Variants in RIPOR2 observed in about 807,000 individuals in gnomAD.
RIPOR2 encodes the protein rho family-interacting cell polarization regulator 2.
RIPOR2 carries 39 observed loss-of-function variants against 114.5 expected under a neutral mutation model. The ratio of observed to expected loss-of-function variants is 0.34; its 90% CI spans 0.26 to 0.44. The LOEUF is 0.44. RIPOR2 is among the 20% of genes least tolerant of loss of function. The probability of loss-of-function intolerance (pLI) is 1.00; values close to 1 mark genes in which losing one functional copy is unlikely to be tolerated. For missense variants in RIPOR2, 1,007 were observed against 1,255.1 expected (o/e 0.80, Z 2.99); for synonymous variants, 445 against 484.4 (o/e 0.92, Z 1.07).
intron 1 of RIPOR2, among the ~76,000 whole-genome samples, chr6:24,889,953 G>A (rs1767177439): frequency 6.6e-6 from 1 of 151,976 alleles, no homozygotes; most frequent in South Asian, 2.1e-4. Context: ...GTGCAATGGT[G>A]TGATCTTGGC....
chr6:24,871,470 G>T (rs2817750), intron 4 of RIPOR2, among the ~76,000 whole-genome samples: 32,475 of 152,132 alleles, frequency 0.21, 3,729 homozygotes, highest in African/African-American at 0.3. Flanking sequence ...TCCTGCCTCA[G>T]CCTCCTGAGT....
chr6:24,824,002 C>G (rs942941186), intron 19 of RIPOR2, among the ~76,000 whole-genome samples: 1 of 152,172 alleles, frequency 6.6e-6, no homozygotes, highest in Non-Finnish European at 1.5e-5. Context: ...GGTGATCCAC[C>G]CACCTCGGCC....
chr6:24,976,338 T>C, intron 1 of RIPOR2: 1 of 944,342 alleles, frequency 1.1e-6, no homozygotes, highest in African/African-American at 1.7e-5. Context: ...AATGACTAAA[T>C]TATTCTAGAA....
intron 1 of RIPOR2, among the ~76,000 whole-genome samples, chr6:25,022,135 G>A (rs1346438256): frequency 6.6e-6 from 1 of 152,136 alleles, no homozygotes; most frequent in Non-Finnish European, 1.5e-5. Context: ...AGTTCTACCA[G>A]TTTTAACAAA....
intron 1 of RIPOR2, among the ~76,000 whole-genome samples, chr6:24,979,592 G>A (rs775101197): frequency 2.0e-5 from 3 of 152,156 alleles, no homozygotes; most frequent in East Asian, 3.9e-4. Flanking sequence ...TTAATGGGAA[G>A]CCTCCAGTTC....
chr6:24,842,597 G>T (rs1761830858), intron 13 of RIPOR2, among the ~76,000 whole-genome samples: 1 of 152,144 alleles, frequency 6.6e-6, no homozygotes, highest in African/African-American at 2.4e-5. Flanking sequence ...GGATTAAAAT[G>T]ATTAACTTGG....
chr6:24,915,617 C>G (rs780840142), intron 1 of RIPOR2, among the ~76,000 whole-genome samples: 3 of 152,182 alleles, frequency 2.0e-5, no homozygotes, highest in Non-Finnish European at 2.9e-5. Flanking sequence ...CCTGCCTCGG[C>G]CTCCCGAAGT....
chr6:24,968,971 G>A (rs555208433), intron 1 of RIPOR2, among the ~76,000 whole-genome samples: 3 of 152,272 alleles, frequency 2.0e-5, no homozygotes, highest in South Asian at 4.1e-4. Context: ...TAGGTGGCCC[G>A]TTTAATCACC....
intron 1 of RIPOR2, among the ~76,000 whole-genome samples, chr6:24,977,606 T>C (rs1252057186): frequency 1.3e-5 from 2 of 152,092 alleles, no homozygotes; most frequent in Non-Finnish European, 2.9e-5. Context: ...GTAATAAACA[T>C]TTTCTAGTTT....
intron 10 of RIPOR2, 127 bp from the exon 11 acceptor site, chr6:24,850,077 G>A (rs1041202187): frequency 5.4e-5 from 39 of 725,970 alleles, no homozygotes; most frequent in Non-Finnish European, 6.7e-5. Context: ...AATCAGAAGC[G>A]GATTTTCATT....
intron 1 of RIPOR2, among the ~76,000 whole-genome samples, chr6:24,878,327 T>C (rs1036516509): frequency 1.3e-5 from 2 of 152,234 alleles, no homozygotes; most frequent in South Asian, 4.1e-4. Context: ...CTGTATGCCA[T>C]GCAAACTTGT....
rs1042331348 is a variant in RIPOR2, at chr6:24,868,570, A to C, written c.501+524T>G. 1.3e-5 allele frequency among the ~76,000 whole-genome samples: 2 copies of C among 152,188 alleles called. 1 individual carries two copies. On this transcript the variant is annotated intron_variant, in intron 6 of 21. Coordinates refer to ENST00000643898, the MANE Select transcript of RIPOR2 (RefSeq NM_001286445.3). Reference sequence around the variant, plus strand: ...GGCTGGGTGTCAGGGACACTGACAAAGTAGTGCACATCTAGGGGAGAGAGG... The same window carrying C: ...GGCTGGGTGTCAGGGACACTGACAACGTAGTGCACATCTAGGGGAGAGAGG...
chr6:24,882,621 G>A (rs938301703), intron 1 of RIPOR2, among the ~76,000 whole-genome samples: 1 of 152,240 alleles, frequency 6.6e-6, no homozygotes, highest in Non-Finnish European at 1.5e-5. Context: ...GGGAGAAGGA[G>A]AGAAGAACCA....
At chr6:24,930,318 GTATATC>G (rs1771284427) in intron 1 of RIPOR2, among the ~76,000 whole-genome samples, 2 of 152,160 alleles carry the variant, frequency 1.3e-5, no homozygotes, top group Non-Finnish European at 2.9e-5. Context: ...ACATACTCTA[GTATATC>G]TTACACACAT....
intron 1 of RIPOR2, among the ~76,000 whole-genome samples, chr6:25,034,597 C>A (rs146952631): frequency 1.4e-4 from 22 of 152,316 alleles, no homozygotes; most frequent in South Asian, 6.2e-4. Context: ...CTTTTGGGCT[C>A]TTTAGATCCT....
chr6:25,004,986 T>TACACACACACACACACAC (rs58120451), intron 1 of RIPOR2, among the ~76,000 whole-genome samples: 1 of 146,432 alleles, frequency 6.8e-6, no homozygotes, highest in African/African-American at 2.5e-5. Flanking sequence ...TCAAATAGGC[T>TACACACACACACACACAC]ACACACACAC....
chr6:24,887,834 A>C (rs1228415006), intron 1 of RIPOR2, among the ~76,000 whole-genome samples: 1 of 152,210 alleles, frequency 6.6e-6, no homozygotes, highest in Non-Finnish European at 1.5e-5. Context: ...TGGTGGATTA[A>C]ATAAATGCAG....
intron 1 of RIPOR2, among the ~76,000 whole-genome samples, chr6:25,027,752 C>T (rs1033625358): frequency 2.6e-5 from 4 of 152,200 alleles, no homozygotes; most frequent in Admixed American, 6.5e-5. Flanking sequence ...CCCAGCCTCT[C>T]AAACACCTTG....
At chr6:24,893,612 A>G (rs1470824057) in intron 1 of RIPOR2, among the ~76,000 whole-genome samples, 1 of 152,208 alleles carries the variant, frequency 6.6e-6, no homozygotes, top group Non-Finnish European at 1.5e-5. Context: ...TTATAATCTG[A>G]CCACACTGGT....
Sources: allele counts gnomAD v4.1 joint callset (sites outside exome capture counted in the v4.1 genomes callset), GRCh38; gene constraint gnomAD v4.1.1; transcripts MANE v1.5; gene names NCBI Gene and HGNC (gene_info 2026-07-23, HGNC 2026-07-21).